The following UNC79 variants were observed in gnomAD, a reference collection of about 807,000 sequenced individuals.
UNC79 encodes unc-79 subunit of NALCN channel complex, also known as protein unc-79 homolog.
A neutral mutation model predicts 283.1 loss-of-function variants in UNC79; 37 were observed. That is an observed-to-expected ratio of 0.13 (90% confidence interval 0.10 to 0.17). The LOEUF is 0.17. Among genes scored for constraint, UNC79 ranks in the 10% least tolerant of loss-of-function variants. The probability of loss-of-function intolerance (pLI) is 1.00; values close to 1 mark genes in which losing one functional copy is unlikely to be tolerated. For synonymous variants in UNC79, 1,107 were observed against 1,200.2 expected (o/e 0.92, Z 1.61); for missense variants, 2,272 against 3,211.1 (o/e 0.71, Z 7.07).
At chr14:93,518,915 A>G (rs2060196115) in intron 7 of UNC79, among the ~76,000 whole-genome samples, 1 of 151,946 alleles carries the variant, frequency 6.6e-6, no homozygotes, top group African/African-American at 2.4e-5. Flanking sequence ...ATGTAGCTCC[A>G]TCTAAATTTT....
chr14:93,367,140 GC>G, intron 1 of UNC79, among the ~76,000 whole-genome samples: 1 of 152,134 alleles, frequency 6.6e-6, no homozygotes, highest in South Asian at 2.1e-4. Context: ...GTGATTAGAG[GC>G]TTCATTCCTG....
intron 11 of UNC79, among the ~76,000 whole-genome samples, chr14:93,534,659 A>G (rs1001731628): frequency 6.6e-6 from 1 of 152,118 alleles, no homozygotes; most frequent in Non-Finnish European, 1.5e-5. Flanking sequence ...TCTTCCTTTG[A>G]TCTTTATCCT....
chr14:93,418,208 C>A (rs1220334974), intron 1 of UNC79, among the ~76,000 whole-genome samples: 1 of 151,586 alleles, frequency 6.6e-6, no homozygotes, highest in African/African-American at 2.4e-5. Context: ...GTGTGGATGC[C>A]CTTTCTGTTT....
At chr14:93,694,255 G>A (rs1566936312) in intron 46 of UNC79, 80 bp from the exon 50 acceptor site, 8 of 1,325,948 alleles carry the variant, frequency 6.0e-6, no homozygotes, top group Admixed American at 1.8e-5. Flanking sequence ...ACAGGACATC[G>A]GTCTTCTGCG....
At chr14:93,682,356 T>C (rs2073914865) in intron 41 of UNC79, among the ~76,000 whole-genome samples, 1 of 152,176 alleles carries the variant, frequency 6.6e-6, no homozygotes, top group Non-Finnish European at 1.5e-5. Flanking sequence ...GCTGACATCT[T>C]TTATTTTTTC....
upstream of UNC79, among the ~76,000 whole-genome samples, chr14:93,428,821 A>C (rs1231901490): frequency 6.6e-6 from 1 of 152,222 alleles, no homozygotes. Context: ...CAGTCGAGGC[A>C]TGGAGAAGTT....
chr14:93,646,233 G>C (rs1275511702), intron 34 of UNC79, among the ~76,000 whole-genome samples: 1 of 152,034 alleles, frequency 6.6e-6, no homozygotes. Flanking sequence ...CTTGTGGTTT[G>C]TTTATAGTTA....
At chr14:93,370,407 A>C (rs934072342) in intron 1 of UNC79, among the ~76,000 whole-genome samples, 1 of 152,224 alleles carries the variant, frequency 6.6e-6, no homozygotes, top group Non-Finnish European at 1.5e-5. Context: ...CTGTAACAGA[A>C]ATGAAGAATG....
chr14:93,388,166 C>G (rs1186527485), intron 1 of UNC79, among the ~76,000 whole-genome samples: 1 of 151,816 alleles, frequency 6.6e-6, no homozygotes, highest in African/African-American at 2.4e-5. Context: ...GGCCAGAGTG[C>G]AATGGTGCAA....
At chr14:93,562,826 A>G (rs2062643348) in intron 14 of UNC79, among the ~76,000 whole-genome samples, 1 of 152,058 alleles carries the variant, frequency 6.6e-6, no homozygotes, top group Admixed American at 6.6e-5. Context: ...CCAGACCAAG[A>G]GGTATTTTAG....
chr14:93,516,855 T>G (rs929371039), intron 7 of UNC79, among the ~76,000 whole-genome samples: 2 of 152,066 alleles, frequency 1.3e-5, no homozygotes, highest in Non-Finnish European at 2.9e-5. Flanking sequence ...GGTATATTTA[T>G]CCATTTATTT....
At chr14:93,520,661 C>T (rs1164374722) in intron 7 of UNC79, among the ~76,000 whole-genome samples, 7 of 151,826 alleles carry the variant, frequency 4.6e-5, no homozygotes, top group African/African-American at 7.2e-5. Context: ...GTTATGTCTC[C>T]TAATTCACTG....
chr14:93,554,448 G>T (rs1052141210), intron 14 of UNC79, among the ~76,000 whole-genome samples: 7 of 151,686 alleles, frequency 4.6e-5, no homozygotes, highest in Admixed American at 2.0e-4. Context: ...CTTTGCATTA[G>T]TATATTAATA....
At chr14:93,527,898 T>C (rs2060618813) in intron 8 of UNC79, among the ~76,000 whole-genome samples, 3 of 151,896 alleles carry the variant, frequency 2.0e-5, no homozygotes, top group African/African-American at 7.3e-5. Flanking sequence ...ACACTTTGCA[T>C]CTCTGTGCTT....
intron 42 of UNC79, among the ~76,000 whole-genome samples, chr14:93,684,319 A>G (rs1202939460): frequency 6.6e-6 from 1 of 152,204 alleles, no homozygotes; most frequent in East Asian, 1.9e-4. Flanking sequence ...CAGTTTGACA[A>G]TCTTCCTTTA....
At chr14:93,522,116 A>T (rs1386676045) in intron 7 of UNC79, among the ~76,000 whole-genome samples, 1 of 152,040 alleles carries the variant, frequency 6.6e-6, no homozygotes, top group African/African-American at 2.4e-5. Flanking sequence ...GACCTCCTGG[A>T]TATCTCCATT....
rs773193449 is a variant in UNC79 at position 93,621,712 on chromosome 14, G to A, written c.4479G>A (p.Lys1493=). The A allele has an allele frequency of 1.2e-6, 2 of 1,613,778 alleles. No homozygotes were observed. Among genetic ancestry groups the A allele is most frequent in the Admixed American group, 1.7e-5 (1 of 59,902 alleles). ...GAGAAGAAAGCATTCCGAAAAAAAAGCTACGCTCTTTCAAACAAAAATCTC... is the reference window on the plus strand; with the variant it reads ...GAGAAGAAAGCATTCCGAAAAAAAAACTACGCTCTTTCAAACAAAAATCTC... Residue 1493 remains lysine (K), a synonymous_variant, in exon 30 of 49, where the codon AAG becomes AAA. Coordinates refer to ENST00000555664, the Ensembl canonical transcript of UNC79. This position sits in a 1 kb window ranked among gnomAD's most constrained non-coding sequence, Gnocchi z 4.8.
intron 1 of UNC79, among the ~76,000 whole-genome samples, chr14:93,455,313 C>G (rs531876810): frequency 6.6e-6 from 1 of 152,206 alleles, no homozygotes; most frequent in Non-Finnish European, 1.5e-5. Flanking sequence ...TTGTCTGCTA[C>G]AGTTGTCAAA....
intron 1 of UNC79, among the ~76,000 whole-genome samples, chr14:93,357,705 A>G (rs540928430): frequency 0.016 from 1,992 of 124,126 alleles, 143 homozygotes; most frequent in African/African-American, 0.067. Flanking sequence ...ATATATATAT[A>G]TATATATATA....
Sources: allele counts gnomAD v4.1 joint callset (sites outside exome capture counted in the v4.1 genomes callset), GRCh38; gene constraint gnomAD v4.1.1; non-coding constraint Gnocchi (gnomAD v3.1); transcripts MANE v1.5; gene names NCBI Gene and HGNC (gene_info 2026-07-23, HGNC 2026-07-21).